ANKS1B: variants seen among roughly 807,000 people sequenced by gnomAD.
ANKS1B encodes the protein ankyrin repeat and sterile alpha motif domain containing 1B, also known as ankyrin repeat and sterile alpha motif domain-containing protein 1B.
Under a neutral mutation model 148.3 loss-of-function variants are expected in ANKS1B, and 36 were observed. The ratio of observed to expected loss-of-function variants is 0.24; its 90% CI spans 0.19 to 0.32. The LOEUF (loss-of-function observed/expected upper bound fraction) is 0.32. Ranked by LOEUF, ANKS1B falls within the 10% of genes least tolerant of loss-of-function variation. The pLI is 1.00. For synonymous variants in ANKS1B, 542 were observed against 560.8 expected (o/e 0.97, Z 0.47); for missense variants, 1,157 against 1,542.6 (o/e 0.75, Z 4.19).
intron 9 of ANKS1B, among the ~76,000 whole-genome samples, chr12:99,545,327 G>T (rs941259113): frequency 6.6e-6 from 1 of 152,020 alleles, no homozygotes; most frequent in Non-Finnish European, 1.5e-5. Context: ...ATTTCATAAG[G>T]GATAAAAGCA....
intron 12 of ANKS1B, among the ~76,000 whole-genome samples, chr12:99,345,908 T>C (rs1013385277): frequency 6.6e-6 from 1 of 152,004 alleles, no homozygotes; most frequent in South Asian, 2.1e-4. Context: ...AATTAGTTCA[T>C]GCTTGCTTTT....
At chr12:99,331,835 T>C (rs956921037) in intron 12 of ANKS1B, among the ~76,000 whole-genome samples, 1 of 151,904 alleles carries the variant, frequency 6.6e-6, no homozygotes, top group Non-Finnish European at 1.5e-5. Context: ...AAAAGGAATC[T>C]GGAGAGAGCT....
chr12:99,475,267 A>C (rs1393624106), intron 10 of ANKS1B, among the ~76,000 whole-genome samples: 1 of 151,474 alleles, frequency 6.6e-6, no homozygotes, highest in Admixed American at 6.6e-5. Context: ...AAAAAAAAAA[A>C]CCTCAAAAGC....
intron 8 of ANKS1B, among the ~76,000 whole-genome samples, chr12:99,712,973 T>C (rs2056837806): frequency 6.6e-6 from 1 of 152,144 alleles, no homozygotes; most frequent in African/African-American, 2.4e-5. Flanking sequence ...AACTGGAGAA[T>C]TTTGGAAGTC....
At chr12:99,172,130 C>G (rs891677891) in intron 14 of ANKS1B, among the ~76,000 whole-genome samples, 26 of 151,986 alleles carry the variant, frequency 1.7e-4, no homozygotes, top group Non-Finnish European at 2.9e-4. Flanking sequence ...GAGGGAACAG[C>G]ATGTGCAAAG....
chr12:99,634,150 T>C (rs2098205518), intron 9 of ANKS1B, among the ~76,000 whole-genome samples: 1 of 152,346 alleles, frequency 6.6e-6, no homozygotes, highest in South Asian at 2.1e-4. Flanking sequence ...TGTGGCAGTA[T>C]TGAGAGAAGA....
intron 11 of ANKS1B, among the ~76,000 whole-genome samples, chr12:99,410,719 G>T (rs374913334): frequency 3.2e-4 from 48 of 152,248 alleles, no homozygotes; most frequent in African/African-American, 1.1e-3. Flanking sequence ...TTTCTCTGAG[G>T]AGGTAAAGTT....
chr12:98,948,392 C>A lies in ANKS1B; in HGVS notation c.2778+104765G>T, dbSNP rs116737452. Among the ~76,000 whole-genome samples, 603 of 152,222 alleles carry A rather than the reference C, an allele frequency of 4.0e-3. 2 individuals carry two copies. Among genetic ancestry groups the A allele is most frequent in the Middle Eastern group, 0.02 (6 of 294 alleles). On this transcript the variant is annotated intron_variant, in intron 17 of 26. Coordinates refer to ENST00000683438, the MANE Select transcript of ANKS1B (RefSeq NM_001352186.2). ...ACCAGTGAAGCAAACAGTGGGGGGACCTTCGGAGGTCATTCACATAAAACC... is the reference window on the plus strand; with the variant it reads ...ACCAGTGAAGCAAACAGTGGGGGGAACTTCGGAGGTCATTCACATAAAACC...
At chr12:99,013,675 C>G (rs567862938) in intron 17 of ANKS1B, among the ~76,000 whole-genome samples, 2 of 152,096 alleles carry the variant, frequency 1.3e-5, no homozygotes, top group Non-Finnish European at 2.9e-5. Flanking sequence ...TCTCAGGATA[C>G]GAAATCAATG....
chr12:99,492,184 G>A (rs945132619), intron 10 of ANKS1B, among the ~76,000 whole-genome samples: 2 of 143,874 alleles, frequency 1.4e-5, no homozygotes, highest in Admixed American at 1.4e-4. Context: ...AAGAGAGAAG[G>A]TCTAAATAAA....
chr12:99,665,315 G>A (rs762550403), intron 8 of ANKS1B, among the ~76,000 whole-genome samples: 3 of 152,086 alleles, frequency 2.0e-5, no homozygotes, highest in Non-Finnish European at 1.5e-5. Context: ...TAGAGTTATC[G>A]CAATAGTATG....
intron 17 of ANKS1B, among the ~76,000 whole-genome samples, chr12:98,984,228 T>C (rs1279805451): frequency 6.6e-6 from 1 of 152,210 alleles, no homozygotes; most frequent in Non-Finnish European, 1.5e-5. Context: ...CTTAATCTCC[T>C]GGAAGGGTAG....
intron 4 of ANKS1B, among the ~76,000 whole-genome samples, chr12:99,792,056 A>C (rs2153645520): frequency 6.6e-6 from 1 of 152,084 alleles, no homozygotes; most frequent in East Asian, 1.9e-4. Flanking sequence ...GAAATGAAAA[A>C]GGAGACATTA....
intron 8 of ANKS1B, among the ~76,000 whole-genome samples, chr12:99,756,718 C>A (rs1040074288): frequency 6.6e-6 from 1 of 152,138 alleles, no homozygotes; most frequent in South Asian, 2.1e-4. Flanking sequence ...AGTACTGGTA[C>A]AGAAACAGAT....
chr12:99,420,480 G>A (rs1348789939), intron 11 of ANKS1B, among the ~76,000 whole-genome samples: 2 of 152,110 alleles, frequency 1.3e-5, no homozygotes, highest in Non-Finnish European at 2.9e-5. Context: ...TATAATCAGG[G>A]TCATAAAAAT....
At chr12:99,067,984 G>A (rs1310035683) in intron 16 of ANKS1B, among the ~76,000 whole-genome samples, 1 of 151,870 alleles carries the variant, frequency 6.6e-6, no homozygotes, top group Non-Finnish European at 1.5e-5. Flanking sequence ...CTATTTATGG[G>A]AATCCCCAGT....
At chr12:99,625,415 T>G (rs1259393655) in intron 9 of ANKS1B, among the ~76,000 whole-genome samples, 1 of 152,128 alleles carries the variant, frequency 6.6e-6, no homozygotes, top group Non-Finnish European at 1.5e-5. Context: ...AAACTGTACA[T>G]AGCACCTATC....
chr12:99,940,705 A>G (rs908231435), intron 1 of ANKS1B, among the ~76,000 whole-genome samples: 2 of 152,168 alleles, frequency 1.3e-5, no homozygotes, highest in African/African-American at 4.8e-5. Flanking sequence ...TTCAAATTCC[A>G]CACTAACAAT....
intron 10 of ANKS1B, among the ~76,000 whole-genome samples, chr12:99,452,704 TA>T (rs2095765849): frequency 6.6e-6 from 1 of 152,256 alleles, no homozygotes; most frequent in Non-Finnish European, 1.5e-5. Context: ...TATTTAACAG[TA>T]ATTTAAGAGA....
Sources: gnomAD v4.1 joint callset for allele counts (sites outside exome capture counted in the v4.1 genomes callset) on GRCh38, gnomAD v4.1.1 for gene constraint, MANE v1.5 for transcripts, NCBI Gene and HGNC (gene_info 2026-07-23, HGNC 2026-07-21) for gene names.